Variants in SLX9 observed in about 807,000 individuals in gnomAD.
SLX9 encodes ribosome biogenesis protein SLX9 homolog.
A neutral mutation model predicts 20.8 loss-of-function variants in SLX9; 19 were observed. The observed-to-expected ratio is 0.91, with a 90% confidence interval of 0.64 to 1.34. SLX9 has a LOEUF of 1.34. SLX9 is among the 40% of genes most tolerant of loss of function. SLX9 has a pLI of 0.00. For missense variants in SLX9, 299 were observed against 322.2 expected (o/e 0.93, Z 0.55); for synonymous variants, 113 against 137.1 (o/e 0.82, Z 1.23).
rs113562569 is a variant in SLX9 at position 44,967,237 on chromosome 21, A to G, written c.500+56A>G. 2,516 of 1,520,998 alleles carry G rather than the reference A, an allele frequency of 1.7e-3. 40 individuals carry two copies. In the African/African-American group the frequency reaches 0.031, roughly 18 times the overall value. 94.2% of individuals were successfully genotyped at this position (1,520,998 alleles called of 1,614,324 possible). ...AGCTGTGGGGCTGACCCGGGTCCAG[A>G]GGTGGAGGGATATGAGTGGGAGCCA... On this transcript the variant is annotated intron_variant, in intron 4 of 5. Coordinates refer to ENST00000291634, the MANE Select transcript of SLX9 (RefSeq NM_058190.4).
At chr21:44,968,305 A>G (rs1415297727) in intron 4 of SLX9, among the ~76,000 whole-genome samples, 1 of 150,964 alleles carries the variant, frequency 6.6e-6, no homozygotes, top group Non-Finnish European at 1.5e-5. Context: ...TGAAGATACC[A>G]CCACCCGGTG....
chr21:44,956,505 CAGCTGGTG>C (rs1568936188), intron 2 of SLX9, among the ~76,000 whole-genome samples: 1 of 152,218 alleles, frequency 6.6e-6, no homozygotes. Flanking sequence ...TGTGCCGCTT[CAGCTGGTG>C]ACCTGGGTGG....
At chr21:44,973,038 A>ACTGCT in intron 4 of SLX9, 159 bp from the exon 5 acceptor site, 1 of 235,456 alleles carries the variant, frequency 4.2e-6, no homozygotes, top group Non-Finnish European at 5.9e-6. Flanking sequence ...TCTCGCCTCC[A>ACTGCT]TGGCCACAGT....
chr21:44,953,069 C>T (rs1021829125), intron 2 of SLX9, among the ~76,000 whole-genome samples: 2 of 152,146 alleles, frequency 1.3e-5, no homozygotes, highest in African/African-American at 4.8e-5. Context: ...CTGGCAGCCT[C>T]CCCCTTGGCA....
chr21:44,944,966 A>G (rs190880503), intron 2 of SLX9, among the ~76,000 whole-genome samples: 1 of 152,314 alleles, frequency 6.6e-6, no homozygotes, highest in Admixed American at 6.5e-5. Context: ...AAAACAGTGC[A>G]GTGAAGGCTG....
upstream of SLX9, chr21:44,939,973 G>A: frequency 7.5e-7 from 1 of 1,329,638 alleles, no homozygotes; most frequent in Non-Finnish European, 9.7e-7. Flanking sequence ...CCCGGCAGCC[G>A]CGGCTCCTGT....
At chr21:44,948,412 TG>T (rs1265700844) in intron 2 of SLX9, among the ~76,000 whole-genome samples, 1 of 151,790 alleles carries the variant, frequency 6.6e-6, no homozygotes, top group Non-Finnish European at 1.5e-5. Flanking sequence ...GAGCTGGTCG[TG>T]GAGCACCGGG....
chr21:44,973,109 TCTAAGAAGGGAGGAGCCAGCCTCTG>T lies in SLX9; in HGVS notation c.501-86_501-62del, dbSNP rs2085186875. 1.0e-5 allele frequency: 15 copies of T among 1,471,178 alleles called. No individual in the cohort carries two copies. The Middle Eastern group carries it at 5.2e-4, about 51-fold the overall frequency. The allele number at this position is 1,471,178 out of a possible 1,614,324, so 91.1% of individuals were successfully genotyped here. A position where few individuals can be genotyped will look rare whatever the true frequency, so the allele number is the denominator to read the frequency against. On this transcript the variant is annotated intron_variant, in intron 4 of 5. Transcript: ENST00000291634. ...CACCTCTGGCCACCACGACGTCTGC[TCTAAGAAGGGAGGAGCCAGCCTCTG>T]CCCACGGGAAGGTGTTTAGGGGATG...
intron 3 of SLX9, among the ~76,000 whole-genome samples, chr21:44,966,274 T>C (rs1031934410): frequency 6.6e-6 from 1 of 151,652 alleles, no homozygotes; most frequent in African/African-American, 2.4e-5. Context: ...ACCTGGGCAT[T>C]CCCCCCAGGG....
chr21:44,958,940 T>G (rs548880107), intron 2 of SLX9, among the ~76,000 whole-genome samples: 3 of 152,354 alleles, frequency 2.0e-5, no homozygotes, highest in Admixed American at 2.0e-4. Context: ...TCGGGTCAGT[T>G]TCCACTGGTC....
At chr21:44,964,741 C>T (rs534034677) in intron 3 of SLX9, among the ~76,000 whole-genome samples, 2 of 152,308 alleles carry the variant, frequency 1.3e-5, no homozygotes, top group South Asian at 2.1e-4. Flanking sequence ...CTCGAACACT[C>T]GATATTATGA....
In SLX9 at chr21:44,940,046, T is replaced by C; in HGVS notation, c.-12T>C. On this transcript the variant is annotated 5_prime_UTR_variant, in exon 1 of 6. Transcript: ENST00000291634. ...GAGGCGCTCCGCACGTTTGCCGTGC[T>C]CCGCCGGGAAGATGGGGAAAGTGAG... The C allele has an allele frequency of 2.1e-6, 3 of 1,437,952 alleles. No individual in the cohort carries two copies. Among genetic ancestry groups the C allele is most frequent in the African/African-American group, 3.0e-5 (2 of 66,916 alleles). 89.1% of individuals were successfully genotyped at this position (1,437,952 alleles called of 1,614,324 possible).
chr21:44,956,302 C>T (rs1321796453), intron 2 of SLX9, among the ~76,000 whole-genome samples: 1 of 151,916 alleles, frequency 6.6e-6, no homozygotes, highest in East Asian at 1.9e-4. Context: ...CCCTTTGTGT[C>T]CTCTGCAGTG....
chr21:44,967,117 C>G lies in SLX9; in HGVS notation c.436C>G (p.Pro146Ala). The change falls in exon 4 of 6, where the codon CCT (proline) becomes GCT (alanine). Residue 146 changes from proline (P) to alanine (A), a missense_variant. By Grantham distance (27) the Pro-to-Ala change is conservative. Transcript: ENST00000291634. ...RATVVVGDLH[P>A]LRDALPELLG... ...CACGGTGGTGGTGGGGGACCTGCAC[C>G]CTCTCAGGGATGCCCTGCCCGAGCT... is the stretch of plus-strand genomic sequence containing the variant. 6.2e-7 allele frequency: 1 copy of G among 1,610,318 alleles called. No homozygotes were observed. The highest frequency in any genetic ancestry group is 8.5e-7 in the Non-Finnish European group (1 of 1,179,028).
Position 44,943,761 on chromosome 21 carries a change from G to A in SLX9, c.207G>A (p.Leu69=). The A allele has an allele frequency of 6.2e-7, 1 of 1,614,212 alleles. No homozygotes were observed. The highest frequency in any genetic ancestry group is 1.7e-5 in the Admixed American group (1 of 60,032). Reference sequence around the variant, plus strand: ...GCGCCTTGGTGCAGAAGCTGGAGCTGGACGTGAGGAGTGTCACTTCCGTCA... The same window carrying A: ...GCGCCTTGGTGCAGAAGCTGGAGCTAGACGTGAGGAGTGTCACTTCCGTCA... ...DPSALVQKLE[L]DVRSVTSVRR... The change falls in exon 2 of 6, where the codon CTG becomes CTA. Residue 69 remains leucine, a synonymous_variant. Transcript: ENST00000291634.
At chr21:44,974,317 TGCTTAGAA>T (rs565209970) in intron 5 of SLX9, among the ~76,000 whole-genome samples, 133 of 150,808 alleles carry the variant, frequency 8.8e-4, no homozygotes, top group Middle Eastern at 6.8e-3. Flanking sequence ...AGTTCGATTA[TGCTTAGAA>T]GCTGCTGTCT....
intron 4 of SLX9, 98 bp downstream of exon 4, chr21:44,967,279 C>G: frequency 6.9e-7 from 1 of 1,456,904 alleles, no homozygotes; most frequent in Non-Finnish European, 9.1e-7. Context: ...ACGGTGCTTC[C>G]TGAGCCTGCA....
intron 2 of SLX9, among the ~76,000 whole-genome samples, chr21:44,949,476 A>T (rs2146621987): frequency 6.6e-6 from 1 of 152,204 alleles, no homozygotes; most frequent in East Asian, 1.9e-4. Context: ...GGGTCCCCAA[A>T]GCGCGGCCCC....
chr21:44,966,254 A>G (rs541400497), intron 3 of SLX9, among the ~76,000 whole-genome samples: 15 of 151,592 alleles, frequency 9.9e-5, no homozygotes, highest in African/African-American at 3.6e-4. Context: ...GGCTGTTGTC[A>G]CCTCTGGAAA....
Sources: allele counts gnomAD v4.1 joint callset (sites outside exome capture counted in the v4.1 genomes callset), GRCh38; gene constraint gnomAD v4.1.1; transcripts MANE v1.5; gene names NCBI Gene and HGNC (gene_info 2026-07-23, HGNC 2026-07-21).